Variants in KAZN observed in about 807,000 individuals in gnomAD.
KAZN encodes the protein kazrin, periplakin interacting protein, also known as kazrin.
In KAZN, 40 loss-of-function variants were observed where a neutral mutation model predicts 87.4. The observed-to-expected ratio is 0.46, with a 90% CI of 0.36 to 0.60. The LOEUF is 0.60. Among genes scored for constraint, KAZN ranks in the 20% least tolerant of loss-of-function variants. The pLI is 0.00. For missense variants in KAZN, 898 were observed against 1,073.9 expected, an observed-to-expected ratio of 0.84 and a Z score of 2.29; for synonymous variants, 466 against 458.3, an observed-to-expected ratio of 1.02 and a Z score of -0.22.
chr1:14,399,989 A>C (rs12141361), intron 2 of KAZN, among the ~76,000 whole-genome samples: 16,258 of 150,752 alleles, frequency 0.11, 1,234 homozygotes, highest in South Asian at 0.17. Context: ...TTAAAATAAA[A>C]AAAGAAGGAA....
At chr1:14,868,844 T>TA (rs1303919651) in intron 1 of KAZN, among the ~76,000 whole-genome samples, 1 of 151,804 alleles carries the variant, frequency 6.6e-6, no homozygotes. Flanking sequence ...ACCCCAACTC[T>TA]AAAAAACTTA....
At chr1:14,683,477 C>A (rs560953628) in intron 1 of KAZN, among the ~76,000 whole-genome samples, 8 of 152,324 alleles carry the variant, frequency 5.3e-5, no homozygotes, top group African/African-American at 1.4e-4. Flanking sequence ...CCAATGACCA[C>A]TCTCTCCTTC....
At chr1:14,447,971 TGCAGGATA>T (rs1667076161) in intron 2 of KAZN, among the ~76,000 whole-genome samples, 1 of 152,230 alleles carries the variant, frequency 6.6e-6, no homozygotes, top group South Asian at 2.1e-4. Flanking sequence ...GACCAGGAGC[TGCAGGATA>T]GCAGGAGAGA....
At chr1:14,164,864 T>G (rs1468441933) in intron 1 of KAZN, among the ~76,000 whole-genome samples, 1 of 152,146 alleles carries the variant, frequency 6.6e-6, no homozygotes, top group Non-Finnish European at 1.5e-5. Context: ...GGAGGCGGAC[T>G]CATTGTTGGG....
intron 1 of KAZN, among the ~76,000 whole-genome samples, chr1:13,964,140 AT>A (rs1641857639): frequency 6.6e-6 from 1 of 152,230 alleles, no homozygotes; most frequent in African/African-American, 2.4e-5. Flanking sequence ...ACTATATGCC[AT>A]ATACAATCCT....
chr1:14,073,748 A>G (rs1244440251), intron 1 of KAZN, among the ~76,000 whole-genome samples: 1 of 152,166 alleles, frequency 6.6e-6, no homozygotes, highest in Non-Finnish European at 1.5e-5. Context: ...TTTATGGCTG[A>G]ATAGTATTCC....
intron 2 of KAZN, among the ~76,000 whole-genome samples, chr1:15,018,407 T>C (rs1670340733): frequency 6.6e-6 from 1 of 151,788 alleles, no homozygotes; most frequent in Non-Finnish European, 1.5e-5. Context: ...TGGCTGGGGG[T>C]TGGTGGTGGC....
intron 1 of KAZN, among the ~76,000 whole-genome samples, chr1:14,050,573 C>T (rs540085327): frequency 6.6e-6 from 1 of 152,204 alleles, no homozygotes; most frequent in Non-Finnish European, 1.5e-5. Flanking sequence ...AATTCACTCA[C>T]TCTCGTGAGA....
intron 1 of KAZN, among the ~76,000 whole-genome samples, chr1:14,671,960 GAA>G (rs1297013193): frequency 6.6e-6 from 1 of 152,160 alleles, no homozygotes; most frequent in African/African-American, 2.4e-5. Context: ...ACTCTCTTTA[GAA>G]AAGAGAATAT....
intron 1 of KAZN, among the ~76,000 whole-genome samples, chr1:14,731,375 G>T (rs571800954): frequency 2.6e-5 from 4 of 152,310 alleles, no homozygotes; most frequent in African/African-American, 4.8e-5. Context: ...AGCCAGCTTG[G>T]CTGGGCAGTG....
At chr1:14,199,017 A>T (rs1291439673) in intron 2 of KAZN, among the ~76,000 whole-genome samples, 1 of 152,098 alleles carries the variant, frequency 6.6e-6, no homozygotes, top group Admixed American at 6.5e-5. Flanking sequence ...TGGGTTTGAG[A>T]GATAGTCTGG....
chr1:14,293,485 C>T (rs72867316), intron 2 of KAZN, among the ~76,000 whole-genome samples: 197 of 152,252 alleles, frequency 1.3e-3, no homozygotes, highest in African/African-American at 4.6e-3. Flanking sequence ...CCCTTTCTGG[C>T]ATTGCTGGTG....
At chr1:14,031,803 A>C (rs1187974187) in intron 1 of KAZN, among the ~76,000 whole-genome samples, 1 of 152,222 alleles carries the variant, frequency 6.6e-6, no homozygotes. Flanking sequence ...ATGAAGAAAC[A>C]GGTATTCAGT....
chr1:15,004,608 G>A (rs1325642281), intron 2 of KAZN, among the ~76,000 whole-genome samples: 1 of 152,204 alleles, frequency 6.6e-6, no homozygotes, highest in East Asian at 1.9e-4. Context: ...CCGGAGTTTG[G>A]TCATTTTGTT....
At chr1:14,124,439 G>T (rs1315641499) in intron 1 of KAZN, 1 of 152,180 alleles carries the variant, frequency 6.6e-6, no homozygotes, top group Non-Finnish European at 1.5e-5. Context: ...TTTTATCTGG[G>T]TTCAGTCTCA....
At chr1:14,030,826 G>A (rs1641295616) in intron 1 of KAZN, among the ~76,000 whole-genome samples, 1 of 152,120 alleles carries the variant, frequency 6.6e-6, no homozygotes, top group East Asian at 1.9e-4. Context: ...GACTTTGCAG[G>A]TTTTACAAGT....
At position 15,066,324 on chromosome 1, in the gene KAZN, TG is replaced by T; in HGVS notation, c.1222+572del. ...TCTGGCAGAGGATGTGGTCTGTTTT[TG>T]ATGTCCCCCCTCCCGCCCCCCTGGT... On this transcript the variant is annotated intron_variant, in intron 8 of 14. Transcript: ENST00000376030. This position sits in a 1 kb window ranked among gnomAD's most constrained non-coding sequence, Gnocchi z 4.3. 1.0e-6 allele frequency: 1 copy of T among 985,952 alleles called. No homozygotes were observed. 61.1% of individuals were successfully genotyped at this position (985,952 alleles called of 1,614,324 possible).
At position 15,050,215 on chromosome 1, in the gene KAZN, G is replaced by GAATAGAATAA. The variant is rs1426642177; in HGVS notation, c.727-5869_727-5868insTAAAATAGAA. Among the ~76,000 whole-genome samples, 90 of 150,392 alleles carry GAATAGAATAA rather than the reference G, an allele frequency of 6.0e-4. 1 individual carries two copies. The highest frequency in any genetic ancestry group is 1.1e-3 in the Non-Finnish European group (73 of 67,222). On this transcript the variant is annotated intron_variant, in intron 4 of 14. Coordinates refer to ENST00000376030, the MANE Select transcript of KAZN (RefSeq NM_201628.3). ...GAATAGAATAGAATAGAATAGAATA[G>GAATAGAATAA]AATAGAACCTTCCCCCTAGAGTGAC...
intron 2 of KAZN, among the ~76,000 whole-genome samples, chr1:14,421,527 C>G (rs1022832048): frequency 6.6e-6 from 1 of 152,118 alleles, no homozygotes; most frequent in African/African-American, 2.4e-5. Flanking sequence ...CTTAATGTTA[C>G]CACATTAGGA....
Sources: gnomAD v4.1 joint callset for allele counts (sites outside exome capture counted in the v4.1 genomes callset) on GRCh38, gnomAD v4.1.1 for gene constraint, Gnocchi (gnomAD v3.1) non-coding constraint, MANE v1.5 for transcripts, NCBI Gene and HGNC (gene_info 2026-07-23, HGNC 2026-07-21) for gene names.